SH3BGRL2: variants seen among roughly 807,000 people sequenced by gnomAD.
The protein encoded by SH3BGRL2 is SH3 domain binding glutamate rich protein like 2.
A neutral mutation model predicts 14.8 loss-of-function variants in SH3BGRL2; 21 were observed. The ratio of observed to expected loss-of-function variants is 1.42; its 90% CI spans 1.01 to 2.05. The LOEUF (loss-of-function observed/expected upper bound fraction) is 2.05. Among genes scored for constraint, SH3BGRL2 ranks in the 30% most tolerant of loss-of-function variants. SH3BGRL2 has a pLI of 0.00. For synonymous variants in SH3BGRL2, 50 were observed against 47.8 expected (o/e 1.05, Z -0.19); for missense variants, 147 against 130.8 (o/e 1.12, Z -0.61).
the SH3BGRL2 span, among the ~76,000 whole-genome samples, chr6:79,582,346 G>C: frequency 1.3e-5 from 2 of 152,070 alleles, no homozygotes; most frequent in Non-Finnish European, 2.9e-5. Flanking sequence ...TAAGCAAAAA[G>C]AACAAAACTG....
At chr6:79,550,872 T>G in the SH3BGRL2 span, among the ~76,000 whole-genome samples, 5 of 152,306 alleles carry the variant, frequency 3.3e-5, no homozygotes, top group South Asian at 8.3e-4. Context: ...TACTTCAGTC[T>G]CGTAATCATG....
At chr6:79,590,344 C>CATATGCTGCACTT in the SH3BGRL2 span, among the ~76,000 whole-genome samples, 1 of 148,240 alleles carries the variant, frequency 6.7e-6, no homozygotes, top group Admixed American at 6.8e-5. Flanking sequence ...CTTATATGTT[C>CATATGCTGCACTT]ATTGCAGCAC....
the SH3BGRL2 span, among the ~76,000 whole-genome samples, chr6:79,615,941 G>T: frequency 2.0e-5 from 3 of 149,544 alleles, no homozygotes; most frequent in Non-Finnish European, 4.4e-5. Context: ...CTCAGCCTCC[G>T]GAGTAGCTGG....
At chr6:79,681,142 G>A (rs1769980868) in intron 2 of SH3BGRL2, among the ~76,000 whole-genome samples, 1 of 152,148 alleles carries the variant, frequency 6.6e-6, no homozygotes, top group Non-Finnish European at 1.5e-5. Flanking sequence ...AGGTAAAACT[G>A]GGGAGAAAAA....
chr6:79,570,736 T>A, the SH3BGRL2 span, among the ~76,000 whole-genome samples: 1 of 152,202 alleles, frequency 6.6e-6, no homozygotes, highest in Non-Finnish European at 1.5e-5. Flanking sequence ...CCTCCTTGCC[T>A]GGCAAGAACC....
chr6:79,545,321 G>GA, the SH3BGRL2 span, among the ~76,000 whole-genome samples: 1 of 152,180 alleles, frequency 6.6e-6, no homozygotes, highest in Non-Finnish European at 1.5e-5. Flanking sequence ...GGTGACGGAT[G>GA]AAAAATAAGC....
At chr6:79,678,488 A>G (rs942446179) in intron 2 of SH3BGRL2, among the ~76,000 whole-genome samples, 1 of 152,164 alleles carries the variant, frequency 6.6e-6, no homozygotes, top group Non-Finnish European at 1.5e-5. Flanking sequence ...AGACTGCATA[A>G]TATTCCATTG....
rs1769114835 is a variant in SH3BGRL2, at chr6:79,645,153, T to TG, written c.45+13647_45+13648insG. Among the ~76,000 whole-genome samples the TG allele has an allele frequency of 7.0e-5, 4 of 57,144 alleles. No homozygotes were observed. The South Asian group carries it at 2.9e-3, about 41-fold the overall frequency. 37.5% of individuals were successfully genotyped at this position (57,144 alleles called of 152,430 possible). The stretch of plus-strand genomic sequence containing the variant: ...ACTCCAGACAGAGTGAGAGTCCGTC[T>TG]CAAAAAAAAAAAAAAAATAGGTCCT... On this transcript the variant is annotated intron_variant, in intron 1 of 3. Coordinates refer to ENST00000369838, the MANE Select transcript of SH3BGRL2 (RefSeq NM_031469.4).
rs1251958432 is a variant in SH3BGRL2 at position 79,700,988 on chromosome 6, T to TGCCCAGCACTCCGCCCCATGC, written c.*1480_*1500dup. 1.3e-5 allele frequency: 2 copies of TGCCCAGCACTCCGCCCCATGC among 152,310 alleles called. No homozygotes were observed. Among genetic ancestry groups the TGCCCAGCACTCCGCCCCATGC allele is most frequent in the African/African-American group, 4.8e-5 (2 of 41,566 alleles). The allele number at this position is 152,310 out of a possible 1,614,324, so 9.4% of individuals were successfully genotyped here. The stretch of plus-strand genomic sequence containing the variant: ...AGAAGAATTACAGCCCTGTCACATG[T>TGCCCAGCACTCCGCCCCATGC]GCCCAGCACTCCGCCCCATGCCTTG... On this transcript the variant is annotated 3_prime_UTR_variant, in exon 4 of 4. Coordinates refer to ENST00000369838, the MANE Select transcript of SH3BGRL2 (RefSeq NM_031469.4).
At chr6:79,631,751 A>G (rs1045443891) in intron 1 of SH3BGRL2, among the ~76,000 whole-genome samples, 2 of 152,190 alleles carry the variant, frequency 1.3e-5, no homozygotes, top group Admixed American at 1.3e-4. Flanking sequence ...CGCGGCCTGA[A>G]AATGGAGTCC....
rs1011322939 is a variant in SH3BGRL2, at chr6:79,631,365, C to T, written c.-97C>T. The T allele has an allele frequency of 4.3e-6, 5 of 1,171,420 alleles. No homozygotes were observed. In the African/African-American group the frequency reaches 6.4e-5, roughly 15 times the overall value. The allele number at this position is 1,171,420 out of a possible 1,614,324, so 72.6% of individuals were successfully genotyped here. ...ATCTTCCCCGACGGCAGCGCTTTAC[C>T]CAGAGGCTGCCGGCGGCTCGTAGCT... is the stretch of plus-strand genomic sequence containing the variant. On this transcript the variant is annotated 5_prime_UTR_variant, in exon 1 of 4. Coordinates refer to ENST00000369838, the MANE Select transcript of SH3BGRL2 (RefSeq NM_031469.4).
In SH3BGRL2 at chr6:79,631,494, G is replaced by A. The variant is rs185873834; in HGVS notation, c.33G>A (p.Ser11=). MVIRVFIASS[S]GFVAIKKKQQ... ...TCCGCGTGTTCATCGCCTCTTCCTC[G>A]GGCTTCGTGGCGGTGAGCGCGGTGG... Residue 11 remains serine, a synonymous_variant, in exon 1 of 4, where the codon TCG becomes TCA. Transcript: ENST00000369838. The A allele has an allele frequency of 2.7e-6, 4 of 1,487,358 alleles. No individual in the cohort carries two copies. Among genetic ancestry groups the A allele is most frequent in the Non-Finnish European group, 3.6e-6 (4 of 1,114,456 alleles). 92.1% of individuals were successfully genotyped at this position (1,487,358 alleles called of 1,614,324 possible).
the SH3BGRL2 span, among the ~76,000 whole-genome samples, chr6:79,540,662 G>C: frequency 6.6e-6 from 1 of 152,126 alleles, no homozygotes; most frequent in East Asian, 1.9e-4. Flanking sequence ...AAGAAAACTT[G>C]AGATGTTTGT....
At chr6:79,642,327 G>T (rs976757293) in intron 1 of SH3BGRL2, among the ~76,000 whole-genome samples, 7 of 152,122 alleles carry the variant, frequency 4.6e-5, no homozygotes, top group Non-Finnish European at 1.0e-4. Flanking sequence ...TTTTACATAG[G>T]TTATATGCAA....
At chr6:79,646,712 G>A (rs566609749) in intron 1 of SH3BGRL2, among the ~76,000 whole-genome samples, 2 of 152,156 alleles carry the variant, frequency 1.3e-5, no homozygotes, top group Admixed American at 1.3e-4. Context: ...CCTCCCTCTA[G>A]CTCCTGGCAA....
the SH3BGRL2 span, among the ~76,000 whole-genome samples, chr6:79,550,294 T>C: frequency 1.2e-4 from 18 of 152,188 alleles, no homozygotes; most frequent in African/African-American, 4.1e-4. Context: ...AGGTAGAAGC[T>C]GGAACTGAAG....
intron 2 of SH3BGRL2, among the ~76,000 whole-genome samples, chr6:79,691,090 GGCT>G (rs921625645): frequency 1.3e-5 from 2 of 152,122 alleles, no homozygotes; most frequent in African/African-American, 4.8e-5. Flanking sequence ...AGGAGGTAGA[GGCT>G]GCATGAGCTG....
At chr6:79,600,912 A>G in the SH3BGRL2 span, among the ~76,000 whole-genome samples, 1 of 152,056 alleles carries the variant, frequency 6.6e-6, no homozygotes, top group African/African-American at 2.4e-5. Flanking sequence ...GGTGACACTG[A>G]TGTCATTGAT....
At chr6:79,697,975 A>G (rs1326579078) in intron 3 of SH3BGRL2, among the ~76,000 whole-genome samples, 1 of 152,208 alleles carries the variant, frequency 6.6e-6, no homozygotes, top group Non-Finnish European at 1.5e-5. Context: ...GTATTTTCTC[A>G]CCAGTTTCTC....
Sources: gnomAD v4.1 joint callset for allele counts (sites outside exome capture counted in the v4.1 genomes callset) on GRCh38, gnomAD v4.1.1 for gene constraint, MANE v1.5 for transcripts, NCBI Gene and HGNC (gene_info 2026-07-23, HGNC 2026-07-21) for gene names.